The following ANKRD24 variants were observed in gnomAD, a reference collection of about 807,000 sequenced individuals.
ANKRD24 encodes the protein ankyrin repeat domain-containing protein 24.
A neutral mutation model predicts 127.8 loss-of-function variants in ANKRD24; 109 were observed. The observed-to-expected ratio is 0.85, with a 90% CI of 0.73 to 1.00. ANKRD24 has a LOEUF of 1.00. ANKRD24 is among the 50% of genes least tolerant of loss of function. ANKRD24 has a pLI of 0.00. For missense variants in ANKRD24, 1,648 were observed against 1,570.2 expected (o/e 1.05, Z -0.84); for synonymous variants, 743 against 671.1 (o/e 1.11, Z -1.66).
Position 4,198,461 on chromosome 19 carries a change from C to T in ANKRD24, c.37-1222C>T, listed in dbSNP as rs1357473506. 4.9e-6 allele frequency: 3 copies of T among 616,256 alleles called. No homozygotes were observed. Among genetic ancestry groups the T allele is most frequent in the East Asian group, 6.8e-5 (2 of 29,472 alleles). 38.2% of individuals were successfully genotyped at this position (616,256 alleles called of 1,614,324 possible). A position where few individuals can be genotyped will look rare whatever the true frequency, so the allele number is the denominator to read the frequency against. ...TGGCCGCCGCCTCCTCTTGGAACCC[C>T]GTGCGCCCCCCGCGCCCCGCGCCCC... On this transcript the variant is annotated intron_variant, in intron 2 of 21. Transcript: ENST00000318934. The surrounding 1 kb of genome is among the most constrained non-coding windows in gnomAD (Gnocchi z 6.1).
intron 2 of ANKRD24, among the ~76,000 whole-genome samples, chr19:4,193,667 T>C (rs558632407): frequency 2.0e-5 from 3 of 151,600 alleles, no homozygotes; most frequent in Admixed American, 1.3e-4. Flanking sequence ...TGATACCCCG[T>C]CTCTACTAAA....
rs762132465 is a variant in ANKRD24, at chr19:4,224,117, A to C, written c.3298-10A>C. ...CTGCTCTTCTGAGCGCCCCTTCCTCATGCCCACAGGAAGCTGCCAGGGACC... is the reference window on the plus strand; with the variant it reads ...CTGCTCTTCTGAGCGCCCCTTCCTCCTGCCCACAGGAAGCTGCCAGGGACC... On this transcript the variant is annotated splice_polypyrimidine_tract_variant and intron_variant, in intron 20 of 21. Transcript: ENST00000318934. The C allele has an allele frequency of 9.9e-6, 16 of 1,611,656 alleles. No homozygotes were observed. In the East Asian group the frequency reaches 3.1e-4, roughly 31 times the overall value.
chr19:4,187,990 TGAGTGGGAGCTCAG>T (rs1296110355), intron 2 of ANKRD24, among the ~76,000 whole-genome samples: 2 of 152,112 alleles, frequency 1.3e-5, no homozygotes, highest in East Asian at 3.8e-4. Flanking sequence ...AGAGTGCGAG[TGAGTGGGAGCTCAG>T]GATCTTTGAA....
intron 19 of ANKRD24, among the ~76,000 whole-genome samples, chr19:4,220,711 C>T (rs954830821): frequency 5.3e-5 from 8 of 151,454 alleles, no homozygotes; most frequent in Non-Finnish European, 1.0e-4. Context: ...CCTGCCACCA[C>T]GCCCGGCTAA....
chr19:4,203,049 T>C, intron 7 of ANKRD24, 123 bp downstream of exon 7: 1 of 826,608 alleles, frequency 1.2e-6, no homozygotes, highest in Non-Finnish European at 1.8e-6. Context: ...CCTTTCTTTC[T>C]TTCTTTTTTT....
rs181099587 is a variant in ANKRD24 at position 4,206,835 on chromosome 19, C to G, written c.467-407C>G. Among the ~76,000 whole-genome samples, 6 of 152,296 alleles carry G rather than the reference C, an allele frequency of 3.9e-5. No homozygotes were observed. The East Asian group carries it at 1.2e-3, about 29-fold the overall frequency. On this transcript the variant is annotated intron_variant, in intron 7 of 21. Transcript: ENST00000318934. Reference sequence around the variant, plus strand: ...TGAAATAAAGGAGCAGGGTCACACCCAGGCAGAAAGTGCCCAGAAAATGTC... The same window carrying G: ...TGAAATAAAGGAGCAGGGTCACACCGAGGCAGAAAGTGCCCAGAAAATGTC...
chr19:4,197,182 T>C (rs1298685608), intron 2 of ANKRD24, among the ~76,000 whole-genome samples: 1 of 152,096 alleles, frequency 6.6e-6, no homozygotes, highest in East Asian at 1.9e-4. Context: ...CCCTGTCATA[T>C]AGGTAGGAAA....
chr19:4,219,467 CAAGA>C lies in ANKRD24; in HGVS notation c.3004-123_3004-120del, dbSNP rs1970325404. 2.6e-6 allele frequency: 3 copies of C among 1,168,652 alleles called. No individual in the cohort carries two copies. In the South Asian group the frequency reaches 4.8e-5, roughly 19 times the overall value. 72.4% of individuals were successfully genotyped at this position (1,168,652 alleles called of 1,614,324 possible). A position where few individuals can be genotyped will look rare whatever the true frequency, so the allele number is the denominator to read the frequency against. On this transcript the variant is annotated intron_variant, in intron 18 of 21. Transcript: ENST00000318934. ...GGAGTGCAGGTCCGGAGCAACAGAG[CAAGA>C]CCCTGTCTTAAAAAAAATCCAAAAA... is the stretch of plus-strand genomic sequence containing the variant.
intron 2 of ANKRD24, among the ~76,000 whole-genome samples, chr19:4,194,972 T>A (rs767810926): frequency 1.3e-5 from 2 of 151,644 alleles, no homozygotes; most frequent in Admixed American, 1.3e-4. Context: ...TCTGATTGAT[T>A]GATTGATTTT....
At chr19:4,205,965 AC>A (rs1459710482) in intron 7 of ANKRD24, among the ~76,000 whole-genome samples, 1 of 150,386 alleles carries the variant, frequency 6.6e-6, no homozygotes, top group African/African-American at 2.5e-5. Flanking sequence ...ACACGGTGAA[AC>A]CCCGTCTCTA....
At chr19:4,219,849 T>G (rs1970352151) in intron 19 of ANKRD24, 91 bp downstream of exon 19, 1 of 1,374,744 alleles carries the variant, frequency 7.3e-7, no homozygotes, top group Non-Finnish European at 9.6e-7. Flanking sequence ...GCAAGGGCCT[T>G]GGAAAATCAA....
chr19:4,217,699 A>G lies in ANKRD24; in HGVS notation c.2539A>G (p.Ser847Gly). ...AQREEARLEQ[S>G]RELEVLREQL... The stretch of plus-strand genomic sequence containing the variant: ...GCGGGAGGAGGCGCGGCTGGAGCAG[A>G]GCCGGGAGCTGGAGGTTCTGCGGGA... Residue 847 changes from serine to glycine, a missense_variant, in exon 18 of 22, where the codon AGC becomes GGC. Physicochemically the swap from Ser to Gly is moderately conservative, Grantham distance 56 (BLOSUM62 0). Coordinates refer to ENST00000318934, the MANE Select transcript of ANKRD24 (RefSeq NM_001393985.1). The G allele has an allele frequency of 7.8e-7, 1 of 1,288,816 alleles. No individual in the cohort carries two copies. Among genetic ancestry groups the G allele is most frequent in the South Asian group, 2.3e-5 (1 of 43,710 alleles). 79.8% of individuals were successfully genotyped at this position (1,288,816 alleles called of 1,614,324 possible). A position where few individuals can be genotyped will look rare whatever the true frequency, so the allele number is the denominator to read the frequency against.
chr19:4,196,424 G>T (rs1264537868), intron 2 of ANKRD24, among the ~76,000 whole-genome samples: 1 of 152,116 alleles, frequency 6.6e-6, no homozygotes, highest in Admixed American at 6.6e-5. Context: ...CACCCAGGCT[G>T]GAGTGCAGTG....
At chr19:4,184,908 GTGGATGGA>G (rs1222111009) in intron 1 of ANKRD24, among the ~76,000 whole-genome samples, 1 of 150,016 alleles carries the variant, frequency 6.7e-6, no homozygotes, top group South Asian at 2.1e-4. Context: ...GGATGGATAA[GTGGATGGA>G]TGGATGGATG....
Position 4,219,784 on chromosome 19 carries a change from G to C in ANKRD24, c.3171+26G>C, listed in dbSNP as rs759123945. 3.2e-6 allele frequency: 5 copies of C among 1,569,154 alleles called. No homozygotes were observed. The South Asian group carries it at 5.8e-5, about 18-fold the overall frequency. On this transcript the variant is annotated intron_variant, in intron 19 of 21. Transcript: ENST00000318934. ...GTGGGTGCCCCCTCTCCCACACTCAGTCAGGGAGGCATCCACTCAGCAAAG... is the reference window on the plus strand; with the variant it reads ...GTGGGTGCCCCCTCTCCCACACTCACTCAGGGAGGCATCCACTCAGCAAAG...
At chr19:4,193,736 CTG>C (rs996781624) in intron 2 of ANKRD24, among the ~76,000 whole-genome samples, 1 of 151,092 alleles carries the variant, frequency 6.6e-6, no homozygotes, top group Non-Finnish European at 1.5e-5. Flanking sequence ...ACTCGGGAGA[CTG>C]AGGCATGAGA....
Position 4,207,769 on chromosome 19 carries a change from C to G in ANKRD24, c.645-12C>G. On this transcript the variant is annotated splice_polypyrimidine_tract_variant and intron_variant, in intron 9 of 21. Transcript: ENST00000318934. The stretch of plus-strand genomic sequence containing the variant: ...ATGTTCTCATCTCCTCAGTAGCCCC[C>G]TCCCCTGGTAGGACGGCCCTGATGC... The G allele has an allele frequency of 1.3e-6, 2 of 1,567,144 alleles. No individual in the cohort carries two copies. Among genetic ancestry groups the G allele is most frequent in the South Asian group, 2.3e-5 (2 of 86,326 alleles).
chr19:4,206,557 G>T (rs1010296566), intron 7 of ANKRD24, among the ~76,000 whole-genome samples: 6 of 151,862 alleles, frequency 4.0e-5, no homozygotes, highest in African/African-American at 1.5e-4. Flanking sequence ...CCCTTGGGAG[G>T]CCGAGGCAGG....
chr19:4,219,780 CTCAG>C lies in ANKRD24; in HGVS notation c.3171+27_3171+30del, dbSNP rs772326124. 5.7e-6 allele frequency: 9 copies of C among 1,583,116 alleles called. No individual in the cohort carries two copies. In the African/African-American group the frequency reaches 6.7e-5, roughly 12 times the overall value. ...GAAGGTGGGTGCCCCCTCTCCCACACTCAGTCAGGGAGGCATCCACTCAGCAAAG... is the reference window on the plus strand; with the variant it reads ...GAAGGTGGGTGCCCCCTCTCCCACACTCAGGGAGGCATCCACTCAGCAAAG... On this transcript the variant is annotated intron_variant, in intron 19 of 21. Transcript: ENST00000318934.
Sources: gnomAD v4.1 joint callset for allele counts (sites outside exome capture counted in the v4.1 genomes callset) on GRCh38, gnomAD v4.1.1 for gene constraint, Gnocchi (gnomAD v3.1) non-coding constraint, MANE v1.5 for transcripts, NCBI Gene and HGNC (gene_info 2026-07-23, HGNC 2026-07-21) for gene names.